Variants in MTARC2 observed in about 807,000 individuals in gnomAD.
MTARC2 encodes the protein mitochondrial amidoxime reducing component 2, also known as MOCO sulphurase C-terminal domain containing 2.
A neutral mutation model predicts 35.6 loss-of-function variants in MTARC2; 27 were observed. The ratio of observed to expected loss-of-function variants is 0.76; its 90% CI spans 0.56 to 1.04. The LOEUF (loss-of-function observed/expected upper bound fraction) is 1.04, where lower values mean the gene tolerates loss of function less well. Ranked by LOEUF, MTARC2 falls within the 50% of genes least tolerant of loss-of-function variation. The probability of loss-of-function intolerance (pLI) is 0.00; values close to 1 mark genes in which losing one functional copy is unlikely to be tolerated. For missense variants in MTARC2, 412 were observed against 432.5 expected, an observed-to-expected ratio of 0.95 and a Z score of 0.42; for synonymous variants, 158 against 167.1, an observed-to-expected ratio of 0.95 and a Z score of 0.42.
chr1:220,769,390 G>A (rs1671672791), intron 4 of MTARC2, among the ~76,000 whole-genome samples: 2 of 152,170 alleles, frequency 1.3e-5, no homozygotes, highest in Non-Finnish European at 1.5e-5. Flanking sequence ...GATCTGCCTG[G>A]GCCGGTGGGT....
intron 2 of MTARC2, among the ~76,000 whole-genome samples, chr1:220,759,186 A>G (rs1671363915): frequency 6.6e-6 from 1 of 152,242 alleles, no homozygotes; most frequent in African/African-American, 2.4e-5. Context: ...AGAACTTGCC[A>G]GTAAAAGTAT....
chr1:220,751,392 G>A (rs1000282621), intron 1 of MTARC2, among the ~76,000 whole-genome samples: 1 of 152,128 alleles, frequency 6.6e-6, no homozygotes, highest in African/African-American at 2.4e-5. Context: ...GGAAATCTCT[G>A]CTCTCCTTAG....
intron 2 of MTARC2, among the ~76,000 whole-genome samples, chr1:220,758,817 A>G (rs1421973750): frequency 6.7e-6 from 1 of 148,792 alleles, no homozygotes; most frequent in African/African-American, 2.6e-5. Flanking sequence ...TTTACAGAAA[A>G]TTGATGTGAA....
chr1:220,758,301 T>G (rs1671338413), intron 2 of MTARC2, among the ~76,000 whole-genome samples: 1 of 151,984 alleles, frequency 6.6e-6, no homozygotes, highest in Admixed American at 6.6e-5. Flanking sequence ...TTTTTAAACT[T>G]TCACTGTTAG....
rs894652541 is a variant in MTARC2 at position 220,783,817 on chromosome 1, A to C, written c.*32-102A>C. 1.1e-4 allele frequency: 81 copies of C among 711,138 alleles called. No homozygotes were observed. The African/African-American group carries it at 1.3e-3, about 12-fold the overall frequency. The allele number at this position is 711,138 out of a possible 1,614,324, so 44.1% of individuals were successfully genotyped here. A position where few individuals can be genotyped will look rare whatever the true frequency, so the allele number is the denominator to read the frequency against. ...CTGCACAGCACTGCACCATACATTT[A>C]TATGTGTAACCTCAATAAGTGACTG... On this transcript the variant is annotated intron_variant, in intron 7 of 7. Coordinates refer to ENST00000366913, the MANE Select transcript of MTARC2 (RefSeq NM_017898.5).
At position 220,781,858 on chromosome 1, in the gene MTARC2, T is replaced by A. The variant is rs752222186; in HGVS notation, c.965T>A (p.Ile322Asn). 6.2e-7 allele frequency: 1 copy of A among 1,614,130 alleles called. No homozygotes were observed. Among genetic ancestry groups the A allele is most frequent in the Non-Finnish European group, 8.5e-7 (1 of 1,180,012 alleles). ...GGGATCTATTATTCAGTGGAAAAAATTGGAAGCCTGAGAGTTGGTGACCCT... is the reference window on the plus strand; with the variant it reads ...GGGATCTATTATTCAGTGGAAAAAAATGGAAGCCTGAGAGTTGGTGACCCT... ...LFGIYYSVEK[I>N]GSLRVGDPVY... Residue 322 changes from isoleucine to asparagine, a missense_variant, in exon 7 of 8, where the codon ATT becomes AAT. Physicochemically the swap from Ile to Asn is moderately radical, Grantham distance 149. Transcript: ENST00000366913.
chr1:220,769,635 A>G (rs1671679612), intron 4 of MTARC2, among the ~76,000 whole-genome samples: 1 of 151,990 alleles, frequency 6.6e-6, no homozygotes, highest in African/African-American at 2.4e-5. Context: ...GCTTGGCCTT[A>G]ACCTCCCTGA....
At chr1:220,770,758 G>C (rs1671721413) in intron 4 of MTARC2, among the ~76,000 whole-genome samples, 1 of 152,274 alleles carries the variant, frequency 6.6e-6, no homozygotes, top group African/African-American at 2.4e-5. Context: ...GCCAAGCCCA[G>C]AGTGGGAGAC....
intron 4 of MTARC2, among the ~76,000 whole-genome samples, chr1:220,778,931 C>T (rs1417860004): frequency 1.3e-5 from 2 of 152,208 alleles, no homozygotes; most frequent in South Asian, 2.1e-4. Context: ...GTTAAGTACC[C>T]TAGTCCTGCC....
intron 4 of MTARC2, among the ~76,000 whole-genome samples, chr1:220,775,947 T>C (rs1197650890): frequency 2.0e-5 from 3 of 152,232 alleles, no homozygotes; most frequent in Non-Finnish European, 1.5e-5. Flanking sequence ...TCTAGGTTGA[T>C]TCCATGTCTT....
chr1:220,748,752 G>T lies in MTARC2; in HGVS notation c.221G>T (p.Ser74Ile). The change falls in exon 1 of 8, where the codon AGC becomes ATC. Residue 74 changes from serine (S) to isoleucine (I), a missense_variant. Transcript: ENST00000366913. ...PVKSCKGVPV[S>I]EAECTAMGLR... Reference sequence around the variant, plus strand: ...AAATCCTGCAAAGGGGTGCCGGTGAGCGAGGCTGAGTGCACGGCCATGGGG... The same window carrying T: ...AAATCCTGCAAAGGGGTGCCGGTGATCGAGGCTGAGTGCACGGCCATGGGG... 1 of 1,600,262 alleles carries T rather than the reference G, an allele frequency of 6.2e-7. No homozygotes were observed. Among genetic ancestry groups the T allele is most frequent in the African/African-American group, 1.3e-5 (1 of 74,544 alleles).
chr1:220,748,602 G>T lies in MTARC2; in HGVS notation c.71G>T (p.Gly24Val). The T allele has an allele frequency of 6.9e-7, 1 of 1,457,184 alleles. No homozygotes were observed. Among genetic ancestry groups the T allele is most frequent in the Non-Finnish European group, 9.0e-7 (1 of 1,114,412 alleles). 90.3% of individuals were successfully genotyped at this position (1,457,184 alleles called of 1,614,324 possible). The change falls in exon 1 of 8, where the codon GGG (glycine) becomes GTG (valine). Residue 24 changes from glycine to valine, a missense_variant. By Grantham distance (109) the Gly-to-Val change is moderately radical. Coordinates refer to ENST00000366913, the MANE Select transcript of MTARC2 (RefSeq NM_017898.5). ...GCCCGGCCCTGGCCCAGGTGGCTCG[G>T]GGTCGCCGCGCTAGGACTGGCCGCC... ...LPARPWPRWL[G>V]VAALGLAAVA...
chr1:220,749,420 C>CCTT (rs1422986125), intron 1 of MTARC2, among the ~76,000 whole-genome samples: 13 of 105,552 alleles, frequency 1.2e-4, no homozygotes, highest in African/African-American at 7.1e-4. Context: ...GATTAAGATG[C>CCTT]CTTCTTCTTT....
chr1:220,763,086 A>G lies in MTARC2; in HGVS notation c.750+36A>G. On this transcript the variant is annotated intron_variant, in intron 4 of 7. Transcript: ENST00000366913. ...CACTGCTTTTGTGCATCATGCTCAG[A>G]TGTGCTGCTCGCGGTGCTAAGGGAA... 2 of 1,614,046 alleles carry G rather than the reference A, an allele frequency of 1.2e-6. 1 individual carries two copies. The highest frequency in any genetic ancestry group is 2.2e-5 in the South Asian group (2 of 91,060).
chr1:220,756,484 C>A (rs1671284473), intron 2 of MTARC2: 1 of 152,246 alleles, frequency 6.6e-6, no homozygotes, highest in African/African-American at 2.4e-5. Context: ...GAGGAAACCA[C>A]GTCTTAGATC....
At chr1:220,765,994 C>G (rs1459017244) in intron 4 of MTARC2, among the ~76,000 whole-genome samples, 3 of 152,146 alleles carry the variant, frequency 2.0e-5, no homozygotes, top group African/African-American at 7.2e-5. Flanking sequence ...GAATCTCATG[C>G]CCACAGTGTC....
In MTARC2 at chr1:220,778,702, C is replaced by CT. The variant is rs373771045; in HGVS notation, c.751-1310dup. 6.6e-5 allele frequency among the ~76,000 whole-genome samples: 10 copies of CT among 152,270 alleles called. 1 individual carries two copies. Among genetic ancestry groups the CT allele is most frequent in the African/African-American group, 2.4e-4 (10 of 41,562 alleles). On this transcript the variant is annotated intron_variant, in intron 4 of 7. Coordinates refer to ENST00000366913, the MANE Select transcript of MTARC2 (RefSeq NM_017898.5). ...AAAATATGCCGCTCCAGCATGTTGA[C>CT]TTTTTTGAGTTAAGAACACTTGAAA...
At position 220,761,745 on chromosome 1, in the gene MTARC2, A is replaced by G; in HGVS notation, c.534A>G (p.Arg178=). The G allele has an allele frequency of 6.2e-7, 1 of 1,613,990 alleles. No homozygotes were observed. The change falls in exon 3 of 8, where the codon AGA becomes AGG. Residue 178 remains arginine (R), a synonymous_variant. Transcript: ENST00000366913. ...FTNFLKTEAY[R]LVQFETNMKG... The stretch of plus-strand genomic sequence containing the variant: ...ACTTCTTGAAAACTGAAGCGTATAG[A>G]TTGGTTCAATTTGAGACAAACATGA...
chr1:220,751,069 C>T (rs970270068), intron 1 of MTARC2, among the ~76,000 whole-genome samples: 6 of 152,102 alleles, frequency 3.9e-5, no homozygotes, highest in Admixed American at 2.6e-4. Flanking sequence ...GTTTGATAGC[C>T]GCTGTCTTCT....
Sources: gnomAD v4.1 joint callset for allele counts (sites outside exome capture counted in the v4.1 genomes callset) on GRCh38, gnomAD v4.1.1 for gene constraint, MANE v1.5 for transcripts, NCBI Gene and HGNC (gene_info 2026-07-23, HGNC 2026-07-21) for gene names.